DACH1: variants seen among roughly 807,000 people sequenced by gnomAD.
The protein encoded by DACH1 is dachshund family transcription factor 1.
In DACH1, 12 loss-of-function variants were observed where a neutral mutation model predicts 54.2. The observed-to-expected ratio is 0.22, with a 90% CI of 0.14 to 0.36. The LOEUF (loss-of-function observed/expected upper bound fraction) is 0.36. Ranked by LOEUF, DACH1 falls within the 10% of genes least tolerant of loss-of-function variation. DACH1 has a pLI of 1.00. For synonymous variants in DACH1, 386 were observed against 366.2 expected (o/e 1.05, Z -0.62); for missense variants, 805 against 929.8 (o/e 0.87, Z 1.75).
At chr13:71,464,648 CATTA>C in intron 10 of DACH1, 2 of 447,986 alleles carry the variant, frequency 4.5e-6, no homozygotes, top group South Asian at 3.2e-5. Flanking sequence ...TTAAGGGAAC[CATTA>C]ATTACTGCTT....
intron 2 of DACH1, among the ~76,000 whole-genome samples, chr13:71,658,076 T>C (rs748798998): frequency 1.3e-5 from 2 of 152,204 alleles, no homozygotes; most frequent in Non-Finnish European, 2.9e-5. Context: ...CATAACTCTG[T>C]AGTCTTAAAC....
intron 3 of DACH1, among the ~76,000 whole-genome samples, chr13:71,614,778 C>T (rs1406105203): frequency 6.7e-6 from 1 of 148,218 alleles, no homozygotes; most frequent in Non-Finnish European, 1.5e-5. Flanking sequence ...TACTTGAGCT[C>T]AGCAGGTCAA....
At chr13:71,831,991 A>T (rs910347912) in intron 1 of DACH1, among the ~76,000 whole-genome samples, 1 of 151,914 alleles carries the variant, frequency 6.6e-6, no homozygotes, top group African/African-American at 2.4e-5. Context: ...TTTTGAGGTC[A>T]CTATCTGTTT....
At chr13:71,723,524 C>T (rs1056828367) in intron 1 of DACH1, among the ~76,000 whole-genome samples, 1 of 152,106 alleles carries the variant, frequency 6.6e-6, no homozygotes, top group African/African-American at 2.4e-5. Flanking sequence ...TAAATAGGTA[C>T]CTGAACAGTA....
chr13:71,508,262 G>A (rs996091101), intron 6 of DACH1, among the ~76,000 whole-genome samples: 7 of 152,062 alleles, frequency 4.6e-5, no homozygotes, highest in Admixed American at 1.3e-4. Context: ...TATAATTCAC[G>A]TGGCCTGAAT....
chr13:71,669,797 G>C (rs2138673466), intron 2 of DACH1, among the ~76,000 whole-genome samples: 1 of 152,154 alleles, frequency 6.6e-6, no homozygotes, highest in South Asian at 2.1e-4. Context: ...AAATTGACTA[G>C]AACATAATAG....
intron 1 of DACH1, among the ~76,000 whole-genome samples, chr13:71,855,812 T>G (rs1873963809): frequency 6.6e-6 from 1 of 151,976 alleles, no homozygotes; most frequent in Non-Finnish European, 1.5e-5. Flanking sequence ...AATCCTTATT[T>G]GGAAATGTTA....
Position 71,862,856 on chromosome 13 carries a change from T to G in DACH1, c.848+3066A>C, listed in dbSNP as rs188763736. Among the ~76,000 whole-genome samples the G allele has an allele frequency of 1.9e-3, 290 of 152,150 alleles. 2 individuals are homozygous for G. The highest frequency in any genetic ancestry group is 3.5e-3 in the Non-Finnish European group (240 of 67,918). On this transcript the variant is annotated intron_variant, in intron 1 of 10. Transcript: ENST00000613252. ...CATAGTTTCTGTAAAAAGCTGAGAG[T>G]GCTAAGATTTGATGTTTCTCATTGT... is the stretch of plus-strand genomic sequence containing the variant.
chr13:71,463,080 T>C (rs1876240350), intron 10 of DACH1, among the ~76,000 whole-genome samples: 1 of 151,996 alleles, frequency 6.6e-6, no homozygotes, highest in Non-Finnish European at 1.5e-5. Context: ...TGAATGATAG[T>C]ATTGACACTA....
rs530672616 is a variant in DACH1 at position 71,866,406 on chromosome 13, T to TGCCGCCGCC, written c.355_363dup (p.Gly119_Gly121dup). 22 of 1,421,310 alleles carry TGCCGCCGCC rather than the reference T, an allele frequency of 1.5e-5. 1 individual carries two copies. The highest frequency in any genetic ancestry group is 5.0e-4 in the Middle Eastern group (2 of 4,002). 88.0% of individuals were successfully genotyped at this position (1,421,310 alleles called of 1,614,324 possible). ...GAAGCGACGCCGCCGCCAGCGCTGA[T>TGCCGCCGCC]GCCGCCGCCGCCGCCGCCGCTGCCG... is the stretch of plus-strand genomic sequence containing the variant. On this transcript the variant is annotated inframe_insertion, in exon 1 of 11. Transcript: ENST00000613252.
chr13:71,591,340 T>C (rs1466253415), intron 3 of DACH1, among the ~76,000 whole-genome samples: 2 of 152,076 alleles, frequency 1.3e-5, no homozygotes, highest in Non-Finnish European at 2.9e-5. Flanking sequence ...TTATAATCCA[T>C]AGATCTACAT....
At chr13:71,778,020 G>A (rs563745623) in intron 1 of DACH1, among the ~76,000 whole-genome samples, 3 of 151,688 alleles carry the variant, frequency 2.0e-5, no homozygotes, top group South Asian at 4.2e-4. Flanking sequence ...GGGAGGCTGA[G>A]GTAGGAGGTT....
chr13:71,479,102 C>T (rs1566284240), intron 8 of DACH1, 67 bp downstream of exon 8: 1 of 1,361,496 alleles, frequency 7.3e-7, no homozygotes, highest in East Asian at 2.6e-5. Flanking sequence ...AAATAAATCA[C>T]CATCATAGTA....
chr13:71,691,850 C>T (rs569114260), intron 1 of DACH1, among the ~76,000 whole-genome samples: 3 of 152,188 alleles, frequency 2.0e-5, no homozygotes, highest in South Asian at 2.1e-4. Context: ...TACACTAAAC[C>T]GTGTTAAATA....
chr13:71,612,184 A>G (rs1241968966), intron 3 of DACH1, among the ~76,000 whole-genome samples: 3 of 152,120 alleles, frequency 2.0e-5, no homozygotes, highest in East Asian at 3.9e-4. Context: ...CAGAAATCTC[A>G]ACGCTGTATA....
chr13:71,821,380 G>T (rs1888177731), intron 1 of DACH1, among the ~76,000 whole-genome samples: 1 of 119,738 alleles, frequency 8.4e-6, no homozygotes, highest in African/African-American at 2.9e-5. Flanking sequence ...ATTGGGTGGA[G>T]TGCACGATCC....
At chr13:71,809,023 G>C (rs1040245104) in intron 1 of DACH1, among the ~76,000 whole-genome samples, 3 of 152,140 alleles carry the variant, frequency 2.0e-5, no homozygotes, top group African/African-American at 7.2e-5. Flanking sequence ...CTAAAGCATA[G>C]ACCATTTATA....
At chr13:71,556,972 T>C (rs2138375456) in intron 6 of DACH1, 52 bp downstream of exon 6, 2 of 1,509,094 alleles carry the variant, frequency 1.3e-6, no homozygotes, top group Non-Finnish European at 1.8e-6. Flanking sequence ...TAAAATCTAG[T>C]TCTAAAATCT....
chr13:71,596,593 T>G (rs1325651491), intron 3 of DACH1, among the ~76,000 whole-genome samples: 1 of 152,190 alleles, frequency 6.6e-6, no homozygotes, highest in Non-Finnish European at 1.5e-5. Flanking sequence ...TTATGAAAAT[T>G]CAAGACAATG....
Sources: allele counts gnomAD v4.1 joint callset (sites outside exome capture counted in the v4.1 genomes callset), GRCh38; gene constraint gnomAD v4.1.1; transcripts MANE v1.5; gene names NCBI Gene and HGNC (gene_info 2026-07-23, HGNC 2026-07-21).